KCNIP4: variants seen among roughly 807,000 people sequenced by gnomAD.
KCNIP4 encodes potassium voltage-gated channel interacting protein 4, also known as Kv channel-interacting protein 4.
Under a neutral mutation model 34.0 loss-of-function variants are expected in KCNIP4, and 12 were observed. That is an observed-to-expected ratio of 0.35 (90% CI 0.23 to 0.57). The LOEUF (loss-of-function observed/expected upper bound fraction) is 0.57, where lower values mean the gene tolerates loss of function less well. Ranked by LOEUF, KCNIP4 falls within the 20% of genes least tolerant of loss-of-function variation. KCNIP4 has a pLI of 0.83. For missense variants in KCNIP4, 238 were observed against 311.7 expected (o/e 0.76, Z 1.78); for synonymous variants, 124 against 102.2 (o/e 1.21, Z -1.29).
intron 1 of KCNIP4, among the ~76,000 whole-genome samples, chr4:21,332,564 A>G (rs1715763606): frequency 6.6e-6 from 1 of 152,008 alleles, no homozygotes; most frequent in Admixed American, 6.6e-5. Context: ...ATCTCAAGTC[A>G]GAAACACAGG....
At chr4:21,139,275 C>T (rs753097700) in intron 1 of KCNIP4, among the ~76,000 whole-genome samples, 3 of 151,798 alleles carry the variant, frequency 2.0e-5, no homozygotes, top group East Asian at 3.9e-4. Context: ...GACAAGAAAA[C>T]GAAAAAGAGA....
intron 1 of KCNIP4, among the ~76,000 whole-genome samples, chr4:21,321,759 A>G (rs1381823598): frequency 6.8e-6 from 1 of 146,422 alleles, no homozygotes; most frequent in East Asian, 2.2e-4. Flanking sequence ...GGAGGGAAGG[A>G]AGGAAAGAAG....
intron 1 of KCNIP4, among the ~76,000 whole-genome samples, chr4:20,957,612 G>A (rs763449219): frequency 2.4e-4 from 37 of 151,994 alleles, no homozygotes; most frequent in Non-Finnish European, 1.8e-4. Context: ...GACTTGGAAC[G>A]AGCTGTTTAC....
chr4:21,284,229 AAAG>A (rs1232528008), intron 1 of KCNIP4, among the ~76,000 whole-genome samples: 1 of 152,154 alleles, frequency 6.6e-6, no homozygotes, highest in African/African-American at 2.4e-5. Context: ...AAAAAAAAGA[AAAG>A]AAATCTGCAA....
At chr4:20,868,238 GA>G (rs1340375641) in intron 2 of KCNIP4, among the ~76,000 whole-genome samples, 1 of 151,650 alleles carries the variant, frequency 6.6e-6, no homozygotes, top group African/African-American at 2.4e-5. Context: ...CAACAAACAT[GA>G]AAAAACACTC....
chr4:21,428,439 A>G (rs1318114369), intron 1 of KCNIP4, among the ~76,000 whole-genome samples: 3 of 152,204 alleles, frequency 2.0e-5, no homozygotes, highest in Non-Finnish European at 4.4e-5. Flanking sequence ...TATTTTTTAC[A>G]TAAGAATAAT....
intron 1 of KCNIP4, among the ~76,000 whole-genome samples, chr4:21,166,457 T>A (rs941307484): frequency 6.6e-6 from 1 of 152,152 alleles, no homozygotes; most frequent in Non-Finnish European, 1.5e-5. Context: ...CAAGTGCTAG[T>A]GGTAAAGTAG....
intron 1 of KCNIP4, among the ~76,000 whole-genome samples, chr4:21,349,267 A>G (rs576020749): frequency 6.6e-6 from 1 of 152,290 alleles, no homozygotes; most frequent in South Asian, 2.1e-4. Context: ...GTCAATAATC[A>G]GCTGCTATTA....
intron 3 of KCNIP4, among the ~76,000 whole-genome samples, chr4:20,834,979 C>G (rs556343251): frequency 2.0e-5 from 3 of 152,272 alleles, no homozygotes; most frequent in African/African-American, 7.2e-5. Flanking sequence ...CTTACGAGGC[C>G]TGGTACTAAT....
chr4:21,026,938 C>A (rs1003779741), intron 1 of KCNIP4, among the ~76,000 whole-genome samples: 3 of 152,030 alleles, frequency 2.0e-5, no homozygotes, highest in African/African-American at 7.3e-5. Flanking sequence ...ATGATGCAAA[C>A]CTATGGGTCA....
At chr4:21,835,849 G>A (rs1343611036) in intron 1 of KCNIP4, among the ~76,000 whole-genome samples, 1 of 151,996 alleles carries the variant, frequency 6.6e-6, no homozygotes, top group East Asian at 1.9e-4. Flanking sequence ...GTTTAACACT[G>A]AAAATGAATA....
intron 1 of KCNIP4, among the ~76,000 whole-genome samples, chr4:21,713,383 A>T (rs1226377853): frequency 1.3e-5 from 2 of 152,186 alleles, no homozygotes; most frequent in Non-Finnish European, 2.9e-5. Flanking sequence ...CACTGCTGGG[A>T]TGATTATTTG....
chr4:21,594,751 T>C (rs35149530), intron 1 of KCNIP4, among the ~76,000 whole-genome samples: 23,270 of 151,654 alleles, frequency 0.15, 2,111 homozygotes, highest in South Asian at 0.21. Context: ...TACATGAAAA[T>C]TTAAAACTTC....
chr4:21,820,658 G>A (rs887384563), intron 1 of KCNIP4, among the ~76,000 whole-genome samples: 1 of 152,132 alleles, frequency 6.6e-6, no homozygotes, highest in African/African-American at 2.4e-5. Context: ...AGGGGCTTTA[G>A]AAAGGTTCGG....
intron 1 of KCNIP4, among the ~76,000 whole-genome samples, chr4:21,512,098 A>G (rs1425808462): frequency 7.0e-6 from 1 of 142,590 alleles, no homozygotes; most frequent in Admixed American, 7.1e-5. Flanking sequence ...GGAGGGAGGG[A>G]GGGAGGAAAA....
At chr4:21,069,668 C>A (rs1471739152) in intron 1 of KCNIP4, among the ~76,000 whole-genome samples, 1 of 152,148 alleles carries the variant, frequency 6.6e-6, no homozygotes, top group Non-Finnish European at 1.5e-5. Context: ...TGACAATGAC[C>A]AAGCTTATGG....
chr4:21,282,144 G>A (rs189426457), intron 1 of KCNIP4, among the ~76,000 whole-genome samples: 3 of 152,180 alleles, frequency 2.0e-5, no homozygotes, highest in East Asian at 1.9e-4. Context: ...GCTTAGAATT[G>A]TGTTTCCCAA....
At chr4:21,362,454 T>C (rs1719327239) in intron 1 of KCNIP4, among the ~76,000 whole-genome samples, 1 of 152,168 alleles carries the variant, frequency 6.6e-6, no homozygotes, top group South Asian at 2.1e-4. Flanking sequence ...AGAAAAGGTA[T>C]GAGCTTTGGA....
At chr4:21,645,363 A>C (rs1746933667) in intron 1 of KCNIP4, among the ~76,000 whole-genome samples, 1 of 152,196 alleles carries the variant, frequency 6.6e-6, no homozygotes, top group Admixed American at 6.5e-5. Flanking sequence ...TACTGTATTA[A>C]GCGGTTAATG....
Sources: allele counts gnomAD v4.1 joint callset (sites outside exome capture counted in the v4.1 genomes callset), GRCh38; gene constraint gnomAD v4.1.1; transcripts MANE v1.5; gene names NCBI Gene and HGNC (gene_info 2026-07-23, HGNC 2026-07-21).